MOB3A: variants seen among roughly 807,000 people sequenced by gnomAD.
The protein encoded by MOB3A is MOB LAK.
Under a neutral mutation model 17.8 loss-of-function variants are expected in MOB3A, and 17 were observed. The ratio of observed to expected loss-of-function variants is 0.95; its 90% CI spans 0.65 to 1.43. MOB3A has a LOEUF of 1.43. MOB3A is among the 40% of genes most tolerant of loss of function. The pLI, the probability that MOB3A is intolerant of heterozygous loss-of-function variation, is 0.00. For synonymous variants in MOB3A, 124 were observed against 133.2 expected (o/e 0.93, Z 0.48); for missense variants, 333 against 310.8 (o/e 1.07, Z -0.54).
At chr19:2,095,501 C>T (rs2144946463) in intron 1 of MOB3A, among the ~76,000 whole-genome samples, 1 of 152,348 alleles carries the variant, frequency 6.6e-6, no homozygotes, top group South Asian at 2.1e-4. Context: ...GCTTGGGGAT[C>T]CTGAAGCCCT....
In MOB3A at chr19:2,076,825, C is replaced by T; in HGVS notation, c.610G>A (p.Glu204Lys). 6.2e-7 allele frequency: 1 copy of T among 1,613,882 alleles called. No individual in the cohort carries two copies. Among genetic ancestry groups the T allele is most frequent in the Non-Finnish European group, 8.5e-7 (1 of 1,180,006 alleles). ...AGCCCGCGCACCAGTGGCTCCAGCT[C>T]CTTGGTGTCGATGAGGCCGAACTCC... ...VKEFGLIDTK[E>K]LEPLKEMTAR... Residue 204 changes from glutamate to lysine, a missense_variant, in exon 4 of 5, where the codon GAG (glutamate) becomes AAG (lysine). Glu to Lys is a moderately conservative substitution (Grantham distance 56). Transcript: ENST00000357066.
At position 2,078,596 on chromosome 19, in the gene MOB3A, G is replaced by A; in HGVS notation, c.-36C>T. On this transcript the variant is annotated 5_prime_UTR_variant, in exon 3 of 5. Transcript: ENST00000357066. ...CCTGCTCTCCTGGACTTCTGTAGAG[G>A]GGTCCTGGGCCAGCTGGCTGGGGGT... 6.5e-7 allele frequency: 1 copy of A among 1,534,220 alleles called. No individual in the cohort carries two copies.
chr19:2,088,972 T>C (rs2017583608), intron 1 of MOB3A, among the ~76,000 whole-genome samples: 1 of 152,186 alleles, frequency 6.6e-6, no homozygotes, highest in African/African-American at 2.4e-5. Context: ...ACAGTGACTG[T>C]AGTTGTCAGA....
intron 1 of MOB3A, among the ~76,000 whole-genome samples, chr19:2,090,474 G>A (rs1434749123): frequency 6.6e-6 from 1 of 151,994 alleles, no homozygotes; most frequent in Non-Finnish European, 1.5e-5. Flanking sequence ...GGAACTCCTG[G>A]CATGGAGTGG....
Position 2,072,939 on chromosome 19 carries a change from A to AAT in MOB3A, c.*455_*456insAT, listed in dbSNP as rs2017357285. On this transcript the variant is annotated 3_prime_UTR_variant, in exon 5 of 5. Transcript: ENST00000357066. ...CTCAGCCTCTTGCCTCCCCAACGGG[A>AAT]GACATGTAGGAGGCCGAGCAAGCTG... The AAT allele has an allele frequency of 6.0e-6, 1 of 166,898 alleles. No homozygotes were observed. The highest frequency in any genetic ancestry group is 6.2e-5 in the Admixed American group (1 of 16,158). The allele number at this position is 166,898 out of a possible 1,614,324, so 10.3% of individuals were successfully genotyped here.
At chr19:2,094,196 G>A (rs1186656455) in intron 1 of MOB3A, among the ~76,000 whole-genome samples, 71 of 151,786 alleles carry the variant, frequency 4.7e-4, no homozygotes, top group Non-Finnish European at 1.0e-4. Context: ...ACGGGCACCC[G>A]CCGCCACGCC....
chr19:2,073,480 G>A, intron 4 of MOB3A, 56 bp from the exon 5 acceptor site: 1 of 1,609,102 alleles, frequency 6.2e-7, no homozygotes, highest in Non-Finnish European at 8.5e-7. Context: ...AAGGGGTGAT[G>A]CGAACAGCAG....
intron 2 of MOB3A, among the ~76,000 whole-genome samples, chr19:2,080,260 A>AG (rs928798196): frequency 6.6e-6 from 1 of 152,102 alleles, no homozygotes; most frequent in Non-Finnish European, 1.5e-5. Flanking sequence ...ACCCAGCAGA[A>AG]GGGGGAGTCA....
intron 1 of MOB3A, among the ~76,000 whole-genome samples, chr19:2,086,433 T>G (rs930351205): frequency 1.3e-5 from 2 of 152,030 alleles, no homozygotes; most frequent in African/African-American, 2.4e-5. Context: ...TGATCTCGGC[T>G]CACTGCAACC....
intron 1 of MOB3A, among the ~76,000 whole-genome samples, chr19:2,086,619 A>C (rs1240747042): frequency 1.3e-5 from 2 of 152,014 alleles, no homozygotes; most frequent in African/African-American, 4.8e-5. Context: ...CGGCCTCCCA[A>C]AGTGCTGGGA....
At chr19:2,095,942 C>T (rs2017683808) in intron 1 of MOB3A, among the ~76,000 whole-genome samples, 1 of 152,060 alleles carries the variant, frequency 6.6e-6, no homozygotes, top group African/African-American at 2.4e-5. Flanking sequence ...CGGGGTTTCA[C>T]CATGTTGGCC....
Position 2,093,506 on chromosome 19 carries a change from C to T in MOB3A, c.-274+2720G>A, listed in dbSNP as rs757229202. On this transcript the variant is annotated intron_variant, in intron 1 of 4. Coordinates refer to ENST00000357066, the MANE Select transcript of MOB3A (RefSeq NM_130807.3). This position sits in a 1 kb window ranked among gnomAD's most constrained non-coding sequence, Gnocchi z 4.6. ...CACACAGTGGGTGGCTGTGGTCCAG[C>T]GTGTGCCTGGCTGTGTATTTAGTAG... is the stretch of plus-strand genomic sequence containing the variant. Among the ~76,000 whole-genome samples, 9 of 152,102 alleles carry T rather than the reference C, an allele frequency of 5.9e-5. No homozygotes were observed. The highest frequency in any genetic ancestry group is 1.2e-4 in the Non-Finnish European group (8 of 68,028).
chr19:2,092,121 G>A (rs1468800084), intron 1 of MOB3A, among the ~76,000 whole-genome samples: 2 of 136,900 alleles, frequency 1.5e-5, no homozygotes, highest in Non-Finnish European at 1.6e-5. Context: ...GTTTGTTTGA[G>A]ATGAGGTTTC....
intron 4 of MOB3A, among the ~76,000 whole-genome samples, chr19:2,074,608 T>A (rs926133998): frequency 2.0e-5 from 3 of 151,818 alleles, no homozygotes; most frequent in African/African-American, 7.3e-5. Context: ...GCTGGAGAGC[T>A]GTGGCGCAAT....
At chr19:2,081,368 A>G (rs569043109) in intron 2 of MOB3A, among the ~76,000 whole-genome samples, 1 of 152,006 alleles carries the variant, frequency 6.6e-6, no homozygotes, top group Non-Finnish European at 1.5e-5. Context: ...CGGGTGGATC[A>G]CCTGAGGTCG....
intron 1 of MOB3A, among the ~76,000 whole-genome samples, chr19:2,094,203 C>T (rs1471126758): frequency 5.3e-5 from 8 of 152,054 alleles, no homozygotes; most frequent in Non-Finnish European, 1.0e-4. Flanking sequence ...CCCGCCGCCA[C>T]GCCCGGCTAA....
intron 2 of MOB3A, among the ~76,000 whole-genome samples, chr19:2,083,919 C>T (rs2017520720): frequency 6.6e-6 from 1 of 152,110 alleles, no homozygotes; most frequent in Non-Finnish European, 1.5e-5. Context: ...GCGGCTGTTC[C>T]CACAGGCCCC....
At chr19:2,076,123 C>CA (rs771808104) in intron 4 of MOB3A, among the ~76,000 whole-genome samples, 5,651 of 33,044 alleles carry the variant, frequency 0.17, 234 homozygotes, top group Non-Finnish European at 0.19. Context: ...ACTCCATCTC[C>CA]AAAAAAAAAA....
At chr19:2,089,832 T>TG (rs1262247583) in intron 1 of MOB3A, among the ~76,000 whole-genome samples, 26 of 148,160 alleles carry the variant, frequency 1.8e-4, no homozygotes, top group African/African-American at 6.2e-4. Flanking sequence ...GATCCTTCTC[T>TG]GGGTGAGTTT....
Sources: gnomAD v4.1 joint callset for allele counts (sites outside exome capture counted in the v4.1 genomes callset) on GRCh38, gnomAD v4.1.1 for gene constraint, Gnocchi (gnomAD v3.1) non-coding constraint, MANE v1.5 for transcripts, NCBI Gene and HGNC (gene_info 2026-07-23, HGNC 2026-07-21) for gene names.